The following KCNMB2 variants were observed in gnomAD, a reference collection of about 807,000 sequenced individuals.
KCNMB2 encodes the protein calcium-activated potassium channel subunit beta-2.
Under a neutral mutation model 24.5 loss-of-function variants are expected in KCNMB2, and 9 were observed. That is an observed-to-expected ratio of 0.37 (90% CI 0.22 to 0.64). The LOEUF (loss-of-function observed/expected upper bound fraction) is 0.64, where lower values mean the gene tolerates loss of function less well. KCNMB2 is among the 30% of genes least tolerant of loss of function. The pLI, the probability that KCNMB2 is intolerant of heterozygous loss-of-function variation, is 0.63. For synonymous variants in KCNMB2, 109 were observed against 104.4 expected (o/e 1.04, Z -0.27); for missense variants, 226 against 284.3 (o/e 0.79, Z 1.47).
rs139810236 is a variant in KCNMB2 at position 178,607,429 on chromosome 3, C to T, written c.-68+70718C>T. ...TAAAATGCCTGCAAACCTCTTCAAA[C>T]CTCTGATTACAACAACCTGTTAACT... On this transcript the variant is annotated intron_variant, in intron 1 of 4. Transcript: ENST00000452583. 3.9e-5 allele frequency among the ~76,000 whole-genome samples: 6 copies of T among 152,218 alleles called. No individual in the cohort carries two copies. In the South Asian group the frequency reaches 1.0e-3, roughly 26 times the overall value.
intron 1 of KCNMB2, among the ~76,000 whole-genome samples, chr3:178,729,815 C>T (rs574608086): frequency 6.6e-6 from 1 of 152,270 alleles, no homozygotes; most frequent in East Asian, 1.9e-4. Flanking sequence ...TAAGGTTTTG[C>T]TTTTGTGCCA....
intron 1 of KCNMB2, among the ~76,000 whole-genome samples, chr3:178,640,891 T>C (rs1719700171): frequency 1.3e-5 from 2 of 152,112 alleles, no homozygotes; most frequent in Admixed American, 1.3e-4. Flanking sequence ...TGGGTCTGTG[T>C]CTAGGTTCTT....
chr3:178,718,209 G>A (rs1211471192), intron 1 of KCNMB2, among the ~76,000 whole-genome samples: 1 of 152,134 alleles, frequency 6.6e-6, no homozygotes, highest in Non-Finnish European at 1.5e-5. Context: ...CAAATTACAG[G>A]TATTTGGGAT....
intron 1 of KCNMB2, among the ~76,000 whole-genome samples, chr3:178,793,043 T>A (rs1403394033): frequency 6.6e-6 from 1 of 152,190 alleles, no homozygotes; most frequent in Non-Finnish European, 1.5e-5. Flanking sequence ...ACAAGCTACA[T>A]CGACAGTGCC....
At chr3:178,620,238 T>A (rs2108526091) in intron 1 of KCNMB2, among the ~76,000 whole-genome samples, 2 of 120,256 alleles carry the variant, frequency 1.7e-5, no homozygotes, top group Middle Eastern at 8.7e-3. Context: ...TTCTCAATAT[T>A]CATACATACA....
At chr3:178,574,751 A>G (rs1403527218) in intron 1 of KCNMB2, among the ~76,000 whole-genome samples, 2 of 152,214 alleles carry the variant, frequency 1.3e-5, no homozygotes, top group African/African-American at 2.4e-5. Context: ...GCTGGATGAT[A>G]CAATGTACAC....
intron 1 of KCNMB2, among the ~76,000 whole-genome samples, chr3:178,685,481 G>A (rs1301025359): frequency 6.6e-6 from 1 of 152,170 alleles, no homozygotes; most frequent in African/African-American, 2.4e-5. Context: ...GTGGGTGTTA[G>A]TGCCATCCAA....
At chr3:178,608,868 T>A (rs1306054227) in intron 1 of KCNMB2, among the ~76,000 whole-genome samples, 1 of 152,216 alleles carries the variant, frequency 6.6e-6, no homozygotes, top group African/African-American at 2.4e-5. Flanking sequence ...GTATACCACA[T>A]TTTTCTTTAC....
intron 1 of KCNMB2, among the ~76,000 whole-genome samples, chr3:178,716,353 A>T (rs1043267133): frequency 1.7e-4 from 26 of 152,160 alleles, no homozygotes; most frequent in African/African-American, 5.8e-4. Flanking sequence ...TGCCCTTCCC[A>T]TTCAATTGAG....
At chr3:178,617,273 C>T (rs1718738848) in intron 1 of KCNMB2, among the ~76,000 whole-genome samples, 1 of 152,040 alleles carries the variant, frequency 6.6e-6, no homozygotes, top group South Asian at 2.1e-4. Flanking sequence ...TTTTTAAAAA[C>T]ACAGTCCAGG....
chr3:178,757,531 AGG>A (rs1724147109), intron 1 of KCNMB2, among the ~76,000 whole-genome samples: 3 of 53,376 alleles, frequency 5.6e-5, no homozygotes. Context: ...TATATCCAAG[AGG>A]ATATATATAT....
intron 1 of KCNMB2, among the ~76,000 whole-genome samples, chr3:178,769,103 T>C (rs1712241723): frequency 6.6e-6 from 1 of 152,246 alleles, no homozygotes; most frequent in Non-Finnish European, 1.5e-5. Flanking sequence ...GCAAGACACT[T>C]TGAGTTTTCT....
At chr3:178,563,047 T>C (rs544551185) in intron 1 of KCNMB2, among the ~76,000 whole-genome samples, 3 of 151,642 alleles carry the variant, frequency 2.0e-5, no homozygotes, top group African/African-American at 7.3e-5. Context: ...CAAAGGAGAG[T>C]GGTCAGGATA....
chr3:178,727,027 C>T (rs1366125094), intron 1 of KCNMB2, among the ~76,000 whole-genome samples: 1 of 152,114 alleles, frequency 6.6e-6, no homozygotes, highest in African/African-American at 2.4e-5. Flanking sequence ...AATAACACCA[C>T]CTGCCTCCCT....
chr3:178,623,363 CT>C (rs1201940562), intron 1 of KCNMB2, among the ~76,000 whole-genome samples: 1 of 152,214 alleles, frequency 6.6e-6, no homozygotes, highest in African/African-American at 2.4e-5. Flanking sequence ...GGTATTCTCT[CT>C]CCCTATTCTA....
chr3:178,839,527 G>T (rs545984538), intron 4 of KCNMB2, among the ~76,000 whole-genome samples: 24 of 152,238 alleles, frequency 1.6e-4, no homozygotes, highest in African/African-American at 5.8e-4. Flanking sequence ...CTGCTAGAAA[G>T]AACAACTGAG....
chr3:178,633,764 C>G (rs1296803742), intron 1 of KCNMB2, among the ~76,000 whole-genome samples: 1 of 152,262 alleles, frequency 6.6e-6, no homozygotes, highest in Admixed American at 6.5e-5. Flanking sequence ...CTACTACTGG[C>G]TTGAATTTCT....
intron 1 of KCNMB2, among the ~76,000 whole-genome samples, chr3:178,805,105 T>G (rs1314956561): frequency 6.6e-6 from 1 of 152,214 alleles, no homozygotes; most frequent in Non-Finnish European, 1.5e-5. Flanking sequence ...TCCATTCAGG[T>G]GAATCCTTTG....
intron 1 of KCNMB2, among the ~76,000 whole-genome samples, chr3:178,667,376 G>A (rs566711899): frequency 1.3e-5 from 2 of 152,036 alleles, no homozygotes; most frequent in Non-Finnish European, 2.9e-5. Flanking sequence ...CATGAAAGGG[G>A]TTATGACCCT....
Sources: allele counts gnomAD v4.1 joint callset (sites outside exome capture counted in the v4.1 genomes callset), GRCh38; gene constraint gnomAD v4.1.1; transcripts MANE v1.5; gene names NCBI Gene and HGNC (gene_info 2026-07-23, HGNC 2026-07-21).